FANCL: variants seen among roughly 807,000 people sequenced by gnomAD.
The protein encoded by FANCL is FA complementation group L.
Under a neutral mutation model 59.4 loss-of-function variants are expected in FANCL, and 69 were observed. The observed-to-expected ratio is 1.16, with a 90% CI of 0.96 to 1.42. The LOEUF is 1.42. Ranked by LOEUF, FANCL falls within the 40% of genes most tolerant of loss-of-function variation. The pLI is 0.00. For missense variants in FANCL, 519 were observed against 447.2 expected (o/e 1.16, Z -1.45); for synonymous variants, 180 against 147.1 (o/e 1.22, Z -1.62).
chr2:58,229,179 A>G (rs1693326891), intron 3 of FANCL, among the ~76,000 whole-genome samples: 1 of 152,212 alleles, frequency 6.6e-6, no homozygotes, highest in African/African-American at 2.4e-5. Context: ...AATCAGGAAA[A>G]AAACACACAA....
intron 1 of FANCL, among the ~76,000 whole-genome samples, chr2:58,239,163 C>G (rs990531024): frequency 1.3e-5 from 2 of 152,060 alleles, no homozygotes; most frequent in Non-Finnish European, 2.9e-5. Context: ...GACGCTAAAA[C>G]CAGAGAATGT....
At chr2:58,228,280 ATAAC>A (rs1277734325) in intron 3 of FANCL, among the ~76,000 whole-genome samples, 1 of 152,226 alleles carries the variant, frequency 6.6e-6, no homozygotes, top group Non-Finnish European at 1.5e-5. Context: ...CATTCTTAAA[ATAAC>A]TACAGAAAAA....
intron 1 of FANCL, among the ~76,000 whole-genome samples, chr2:58,236,580 T>C (rs1694047572): frequency 1.3e-5 from 2 of 151,376 alleles, no homozygotes; most frequent in Admixed American, 6.6e-5. Flanking sequence ...ATTAAAAATA[T>C]GTAAGACAAA....
chr2:58,224,621 T>C lies in FANCL; in HGVS notation c.273+2107A>G, dbSNP rs576388948. Among the ~76,000 whole-genome samples the C allele has an allele frequency of 3.3e-5, 5 of 151,926 alleles. No homozygotes were observed. The South Asian group carries it at 8.3e-4, about 25-fold the overall frequency. On this transcript the variant is annotated intron_variant, in intron 4 of 13. Transcript: ENST00000233741. Reference sequence around the variant, plus strand: ...GTAGCTGCTGCTAGGAATAAAATGGTCTCAACAAGGATCACAAAGAAATAT... The same window carrying C: ...GTAGCTGCTGCTAGGAATAAAATGGCCTCAACAAGGATCACAAAGAAATAT...
chr2:58,202,237 C>T (rs1690108813), intron 6 of FANCL, among the ~76,000 whole-genome samples: 6 of 83,050 alleles, frequency 7.2e-5, no homozygotes, highest in African/African-American at 2.1e-4. Context: ...ATACCTTTTT[C>T]CTAAAAAAAA....
intron 7 of FANCL, among the ~76,000 whole-genome samples, chr2:58,193,765 G>A (rs937408264): frequency 2.0e-5 from 3 of 152,038 alleles, no homozygotes; most frequent in East Asian, 1.9e-4. Context: ...AAAACTAGGG[G>A]ATTTGCCCCA....
chr2:58,172,751 C>A (rs1045539965), intron 7 of FANCL, among the ~76,000 whole-genome samples: 1 of 152,218 alleles, frequency 6.6e-6, no homozygotes, highest in Admixed American at 6.5e-5. Flanking sequence ...CAAAGGAACA[C>A]AGCTCCTCAC....
intron 5 of FANCL, chr2:58,213,596 G>A (rs1691398455): frequency 6.6e-6 from 1 of 152,138 alleles, no homozygotes; most frequent in East Asian, 1.9e-4. Flanking sequence ...TCCTAGGCCA[G>A]GCATGGCAGC....
At chr2:58,176,600 C>A (rs1282866665) in intron 7 of FANCL, among the ~76,000 whole-genome samples, 2 of 152,148 alleles carry the variant, frequency 1.3e-5, no homozygotes, top group African/African-American at 4.8e-5. Context: ...AAACCGGATC[C>A]CTTCCTTACA....
chr2:58,190,939 A>G (rs1462600452), intron 7 of FANCL, among the ~76,000 whole-genome samples: 1 of 151,844 alleles, frequency 6.6e-6, no homozygotes, highest in Non-Finnish European at 1.5e-5. Context: ...TAGTGATGCT[A>G]GGAGGTCATA....
intron 8 of FANCL, among the ~76,000 whole-genome samples, chr2:58,165,269 T>A (rs548776954): frequency 6.6e-6 from 1 of 152,322 alleles, no homozygotes; most frequent in East Asian, 1.9e-4. Flanking sequence ...CTGTGCTTTC[T>A]GTTTACTCTT....
chr2:58,198,336 C>T (rs1309921124), intron 7 of FANCL, among the ~76,000 whole-genome samples: 1 of 152,034 alleles, frequency 6.6e-6, no homozygotes, highest in East Asian at 1.9e-4. Flanking sequence ...AAATAAATAA[C>T]ATAACTATTT....
chr2:58,163,595 G>GTCTGGCTACCTATTTCACTGTATA (rs1183956086), intron 8 of FANCL, 78 bp from the exon 9 acceptor site: 1 of 884,522 alleles, frequency 1.1e-6, no homozygotes, highest in Non-Finnish European at 1.9e-6. Context: ...AGAGGTGTTG[G>GTCTGGCTACCTATTTCACTGTATA]TCTGGCTACC....
intron 9 of FANCL, 103 bp downstream of exon 9, chr2:58,163,331 A>G: frequency 1.1e-6 from 1 of 891,378 alleles, no homozygotes; most frequent in South Asian, 1.5e-5. Flanking sequence ...CAGACAAAAA[A>G]TAAAAACTAC....
chr2:58,233,818 T>G (rs1319780465), intron 1 of FANCL, among the ~76,000 whole-genome samples: 2 of 151,842 alleles, frequency 1.3e-5, no homozygotes, highest in Non-Finnish European at 2.9e-5. Flanking sequence ...AACACAAAAG[T>G]CAAGGAGCCA....
At chr2:58,160,038 G>C in intron 13 of FANCL, 70 bp downstream of exon 13, 1 of 1,602,666 alleles carries the variant, frequency 6.2e-7, no homozygotes, top group Admixed American at 1.7e-5. Flanking sequence ...ATACTATATA[G>C]ATCTATCTTC....
intron 5 of FANCL, among the ~76,000 whole-genome samples, chr2:58,205,695 T>C (rs1197764175): frequency 2.0e-5 from 3 of 151,878 alleles, no homozygotes; most frequent in Non-Finnish European, 4.4e-5. Context: ...AAATGTAGAG[T>C]AGTTAAAAGA....
At position 58,175,258 on chromosome 2, in the gene FANCL, G is replaced by C. The variant is rs535994628; in HGVS notation, c.541-9384C>G. The stretch of plus-strand genomic sequence containing the variant: ...GAAACTATTACAATCAATAGAAAAA[G>C]AGGGAATCCTCCCTAACTCATTTTA... On this transcript the variant is annotated intron_variant, in intron 7 of 13. Coordinates refer to ENST00000233741, the MANE Select transcript of FANCL (RefSeq NM_018062.4). 5.8e-4 allele frequency among the ~76,000 whole-genome samples: 86 copies of C among 148,624 alleles called. 1 individual carries two copies. Among genetic ancestry groups the C allele is most frequent in the African/African-American group, 2.1e-3 (82 of 39,284 alleles).
At chr2:58,228,964 C>T (rs1693306411) in intron 3 of FANCL, among the ~76,000 whole-genome samples, 1 of 152,002 alleles carries the variant, frequency 6.6e-6, no homozygotes, top group African/African-American at 2.4e-5. Flanking sequence ...GGGATGGAGA[C>T]AGGGATGGAA....
Sources: allele counts gnomAD v4.1 joint callset (sites outside exome capture counted in the v4.1 genomes callset), GRCh38; gene constraint gnomAD v4.1.1; transcripts MANE v1.5; gene names NCBI Gene and HGNC (gene_info 2026-07-23, HGNC 2026-07-21).